Variants in COG6 observed in about 807,000 individuals in gnomAD.
COG6 encodes the protein conserved oligomeric Golgi complex subunit 6.
A neutral mutation model predicts 88.8 loss-of-function variants in COG6; 74 were observed. The ratio of observed to expected loss-of-function variants is 0.83; its 90% CI spans 0.69 to 1.01. The LOEUF is 1.01. Among genes scored for constraint, COG6 ranks in the 50% least tolerant of loss-of-function variants. COG6 has a pLI of 0.00. For missense variants in COG6, 800 were observed against 797.9 expected (o/e 1.00, Z -0.03); for synonymous variants, 286 against 278.7 (o/e 1.03, Z -0.26).
At chr13:39,715,250 TA>T (rs1380287779) in intron 13 of COG6, among the ~76,000 whole-genome samples, 1 of 100,878 alleles carries the variant, frequency 9.9e-6, no homozygotes, top group African/African-American at 3.9e-5. Context: ...AAAGACACTA[TA>T]TACTCCTCTC....
chr13:39,766,774 A>C (rs542097657), intron 18 of COG6, among the ~76,000 whole-genome samples: 1 of 152,320 alleles, frequency 6.6e-6, no homozygotes, highest in African/African-American at 2.4e-5. Flanking sequence ...CAGGACTTGG[A>C]CAGGTTGAGA....
chr13:39,748,880 A>C (rs943209607), intron 18 of COG6, among the ~76,000 whole-genome samples: 2 of 152,166 alleles, frequency 1.3e-5, no homozygotes, highest in African/African-American at 2.4e-5. Context: ...CCAAGATCTT[A>C]AGTGGACTTC....
At chr13:39,738,105 A>G (rs934905976) in intron 18 of COG6, among the ~76,000 whole-genome samples, 1 of 152,116 alleles carries the variant, frequency 6.6e-6, no homozygotes, top group Non-Finnish European at 1.5e-5. Flanking sequence ...CCTTAATATG[A>G]TGTTAAAACC....
At chr13:39,760,465 G>T (rs1880976571) in intron 18 of COG6, among the ~76,000 whole-genome samples, 1 of 151,990 alleles carries the variant, frequency 6.6e-6, no homozygotes, top group Non-Finnish European at 1.5e-5. Flanking sequence ...CCAAAAAGGT[G>T]CTGCTAAAAA....
intron 13 of COG6, among the ~76,000 whole-genome samples, chr13:39,708,985 ATGG>A (rs1878092172): frequency 6.6e-6 from 1 of 152,052 alleles, no homozygotes; most frequent in Non-Finnish European, 1.5e-5. Flanking sequence ...TGAGCAATTG[ATGG>A]GGCTCCGCAT....
At chr13:39,682,434 T>C in intron 8 of COG6, 170 bp downstream of exon 8, 1 of 583,788 alleles carries the variant, frequency 1.7e-6, no homozygotes. Context: ...ATCAGCTTAT[T>C]TGAATTTTAC....
Position 39,761,012 on chromosome 13 carries a change from A to C in COG6, c.1827-27323A>C, listed in dbSNP as rs566318094. Among the ~76,000 whole-genome samples the C allele has an allele frequency of 1.7e-4, 26 of 151,824 alleles. No individual in the cohort carries two copies. In the South Asian group the frequency reaches 5.2e-3, roughly 30 times the overall value. On this transcript the variant is annotated intron_variant, in intron 18 of 18. Transcript: ENST00000416691. ...TGCTGTTCCACAAATAGCAATGTAA[A>C]TTTGTCAGTATAATAGAGAATCCAC...
At chr13:39,720,617 A>G (rs1434848537) in intron 15 of COG6, among the ~76,000 whole-genome samples, 1 of 152,076 alleles carries the variant, frequency 6.6e-6, no homozygotes, top group African/African-American at 2.4e-5. Context: ...ATTCTACAGA[A>G]CTTGTTACGA....
At chr13:39,758,239 AAAAT>A (rs1275366384) in intron 18 of COG6, among the ~76,000 whole-genome samples, 14 of 148,628 alleles carry the variant, frequency 9.4e-5, no homozygotes, top group African/African-American at 3.0e-4. Flanking sequence ...AAAAAAAAAA[AAAAT>A]GACGAGCTGG....
chr13:39,764,986 T>A (rs1011333575), intron 18 of COG6, among the ~76,000 whole-genome samples: 2 of 152,174 alleles, frequency 1.3e-5, no homozygotes, highest in Non-Finnish European at 2.9e-5. Flanking sequence ...TTTCTGTATT[T>A]TTAGTTTTGT....
At chr13:39,722,217 A>G (rs996926178) in intron 15 of COG6, among the ~76,000 whole-genome samples, 2 of 150,796 alleles carry the variant, frequency 1.3e-5, no homozygotes, top group African/African-American at 4.9e-5. Context: ...TTTCACCTTC[A>G]TTGAGTGTTT....
At position 39,706,261 on chromosome 13, in the gene COG6, A is replaced by ATATATATATATATATACTCCTT. The variant is rs1566188145; in HGVS notation, c.1284+6659_1284+6660insCTCCTTTATATATATATATATA. Among the ~76,000 whole-genome samples, 67 of 137,654 alleles carry ATATATATATATATATACTCCTT rather than the reference A, an allele frequency of 4.9e-4. 2 individuals are homozygous for ATATATATATATATATACTCCTT. Among genetic ancestry groups the ATATATATATATATATACTCCTT allele is most frequent in the African/African-American group, 1.4e-3 (56 of 38,710 alleles). 90.3% of individuals were successfully genotyped at this position (137,654 alleles called of 152,430 possible). ...TATATATATATATACTCCTTTATAT[A>ATATATATATATATATACTCCTT]TATATATATATATATATTTAAATAT... On this transcript the variant is annotated intron_variant, in intron 13 of 18. Coordinates refer to ENST00000455146, the MANE Select transcript of COG6 (RefSeq NM_020751.3).
chr13:39,674,062 T>A (rs1176111365), intron 4 of COG6, among the ~76,000 whole-genome samples: 2 of 152,084 alleles, frequency 1.3e-5, no homozygotes, highest in Non-Finnish European at 2.9e-5. Flanking sequence ...TTTTTATTTT[T>A]AATTTTTTTT....
At chr13:39,779,407 C>T (rs1343517905) in intron 18 of COG6, among the ~76,000 whole-genome samples, 1 of 152,206 alleles carries the variant, frequency 6.6e-6, no homozygotes, top group Non-Finnish European at 1.5e-5. Flanking sequence ...CCACATCATC[C>T]TATTGGGCTT....
At chr13:39,658,552 C>A in intron 1 of COG6, among the ~76,000 whole-genome samples, 1 of 152,092 alleles carries the variant, frequency 6.6e-6, no homozygotes, top group Non-Finnish European at 1.5e-5. Context: ...TTCTTGTACC[C>A]CTTTACCATT....
chr13:39,784,205 C>G (rs1189805442), intron 18 of COG6, among the ~76,000 whole-genome samples: 1 of 152,104 alleles, frequency 6.6e-6, no homozygotes, highest in Non-Finnish European at 1.5e-5. Context: ...TAGAATATAC[C>G]TATTTGTCAG....
At position 39,775,952 on chromosome 13, in the gene COG6, A is replaced by T. The variant is rs1881451927; in HGVS notation, c.1827-12383A>T. On this transcript the variant is annotated intron_variant, in intron 18 of 18. Coordinates refer to the COG6 transcript ENST00000416691. ...GCCTGGCTAATTTCATATTTTTAATAGAGATGGGGTTTCTCCATGTTGGTC... is the reference window on the plus strand; with the variant it reads ...GCCTGGCTAATTTCATATTTTTAATTGAGATGGGGTTTCTCCATGTTGGTC... 1.3e-5 allele frequency among the ~76,000 whole-genome samples: 2 copies of T among 152,016 alleles called. 1 individual carries two copies. The highest frequency in any genetic ancestry group is 4.1e-4 in the South Asian group (2 of 4,828).
intron 18 of COG6, among the ~76,000 whole-genome samples, chr13:39,737,131 A>G (rs971693410): frequency 1.3e-5 from 2 of 152,132 alleles, no homozygotes; most frequent in African/African-American, 2.4e-5. Flanking sequence ...TACCAGGTGT[A>G]GACTCTTGTT....
At chr13:39,702,730 G>A (rs887629380) in intron 13 of COG6, among the ~76,000 whole-genome samples, 6 of 152,052 alleles carry the variant, frequency 3.9e-5, no homozygotes, top group Non-Finnish European at 1.5e-5. Context: ...ATATTTTAAA[G>A]GAGGAGACAT....
Sources: allele counts gnomAD v4.1 joint callset (sites outside exome capture counted in the v4.1 genomes callset), GRCh38; gene constraint gnomAD v4.1.1; transcripts MANE v1.5; gene names NCBI Gene and HGNC (gene_info 2026-07-23, HGNC 2026-07-21).